Variants in SGCD observed in about 807,000 individuals in gnomAD.
SGCD encodes the protein sarcoglycan delta.
In SGCD, 18 loss-of-function variants were observed where a neutral mutation model predicts 36.6. That is an observed-to-expected ratio of 0.49 (90% CI 0.34 to 0.73). The LOEUF is 0.73. SGCD is among the 30% of genes least tolerant of loss of function. The pLI is 0.01. For missense variants in SGCD, 387 were observed against 346.7 expected (o/e 1.12, Z -0.92); for synonymous variants, 133 against 130.6 (o/e 1.02, Z -0.12).
In SGCD at chr5:155,947,081, T is replaced by C. The variant is rs111957890; in HGVS notation, c.-282+76657T>C. Reference sequence around the variant, plus strand: ...CTTCTGTCATTCACAGATAGAGAGATGGGGAGGGAGATATGTGGAAGCATG... The same window carrying C: ...CTTCTGTCATTCACAGATAGAGAGACGGGGAGGGAGATATGTGGAAGCATG... On this transcript the variant is annotated intron_variant, in intron 1 of 9. Coordinates refer to the SGCD transcript ENST00000517913. Among the ~76,000 whole-genome samples, 35 of 152,176 alleles carry C rather than the reference T, an allele frequency of 2.3e-4. 1 individual carries two copies. The highest frequency in any genetic ancestry group is 7.9e-4 in the African/African-American group (33 of 41,524).
chr5:155,809,321 C>A, the SGCD span, among the ~76,000 whole-genome samples: 1 of 152,206 alleles, frequency 6.6e-6, no homozygotes, highest in East Asian at 1.9e-4. Flanking sequence ...TCACTGCTAA[C>A]TAAAAGAGCG....
At chr5:155,877,227 G>T (rs993134958) in intron 1 of SGCD, among the ~76,000 whole-genome samples, 1 of 152,030 alleles carries the variant, frequency 6.6e-6, no homozygotes, top group African/African-American at 2.4e-5. Context: ...AAATCATACC[G>T]AAATGGCCAC....
At chr5:156,182,293 G>A (rs957938102) in intron 3 of SGCD, among the ~76,000 whole-genome samples, 1 of 141,186 alleles carries the variant, frequency 7.1e-6, no homozygotes, top group Admixed American at 6.9e-5. Flanking sequence ...CTTAGGAGCA[G>A]AACAGAAAAT....
intron 3 of SGCD, among the ~76,000 whole-genome samples, chr5:156,280,206 TG>T (rs1766417270): frequency 6.6e-6 from 1 of 152,304 alleles, no homozygotes; most frequent in South Asian, 2.1e-4. Flanking sequence ...CTGGCAATAG[TG>T]TCATGCCTCT....
Position 156,311,400 on chromosome 5 carries a change from C to G in SGCD, c.-43-18134C>G, listed in dbSNP as rs190677232. ...CAAGGAGACTATGGCTTTTTAATAT[C>G]CTTAATTTTTTCTATATTGCATTGG... On this transcript the variant is annotated intron_variant, in intron 3 of 9. Transcript: ENST00000517913. Among the ~76,000 whole-genome samples, 45 of 152,158 alleles carry G rather than the reference C, an allele frequency of 3.0e-4. No homozygotes were observed. In the East Asian group the frequency reaches 4.5e-3, roughly 15 times the overall value.
chr5:156,442,957 T>C (rs943039933), intron 3 of SGCD, among the ~76,000 whole-genome samples: 1 of 152,116 alleles, frequency 6.6e-6, no homozygotes, highest in East Asian at 1.9e-4. Context: ...ACCTACTTTA[T>C]AGAGGATGTA....
At chr5:155,838,791 AAC>A in the SGCD span, among the ~76,000 whole-genome samples, 3,166 of 140,096 alleles carry the variant, frequency 0.023, 98 homozygotes, top group African/African-American at 0.077. Context: ...AAAAAAAAAA[AAC>A]AATTCAATCT....
At chr5:156,720,436 A>G (rs1158333745) in intron 7 of SGCD, among the ~76,000 whole-genome samples, 1 of 152,208 alleles carries the variant, frequency 6.6e-6, no homozygotes, top group Non-Finnish European at 1.5e-5. Flanking sequence ...TGTTTGTGCA[A>G]AGGTCCTGAG....
At chr5:156,275,479 A>G (rs1371151916) in intron 3 of SGCD, among the ~76,000 whole-genome samples, 1 of 152,182 alleles carries the variant, frequency 6.6e-6, no homozygotes, top group African/African-American at 2.4e-5. Context: ...TAAATAAAAC[A>G]AGTACAGAGG....
intron 3 of SGCD, among the ~76,000 whole-genome samples, chr5:156,195,113 G>A (rs999062461): frequency 3.3e-5 from 5 of 152,138 alleles, no homozygotes; most frequent in Admixed American, 2.6e-4. Context: ...ATTTTACTCT[G>A]TTTCCATTGT....
chr5:156,249,273 G>T (rs970179277), intron 3 of SGCD, among the ~76,000 whole-genome samples: 11 of 152,160 alleles, frequency 7.2e-5, no homozygotes, highest in Non-Finnish European at 1.3e-4. Flanking sequence ...AAAATAGGAA[G>T]AGAATGAACG....
chr5:156,026,176 A>T (rs1759222335), intron 1 of SGCD, among the ~76,000 whole-genome samples: 1 of 152,252 alleles, frequency 6.6e-6, no homozygotes, highest in Admixed American at 6.5e-5. Context: ...GCAGCAAAAA[A>T]TACTTGTTGT....
the SGCD span, among the ~76,000 whole-genome samples, chr5:155,847,541 A>G: frequency 6.6e-6 from 1 of 152,154 alleles, no homozygotes; most frequent in Non-Finnish European, 1.5e-5. Flanking sequence ...CTACTTTGAT[A>G]ATAGAGTGTA....
At chr5:156,377,130 GA>G (rs1452179099) in intron 3 of SGCD, among the ~76,000 whole-genome samples, 2 of 152,104 alleles carry the variant, frequency 1.3e-5, no homozygotes, top group East Asian at 3.8e-4. Flanking sequence ...TCAGTGTTAT[GA>G]GGATAATGAA....
chr5:156,144,514 C>A (rs1762664966), intron 3 of SGCD, among the ~76,000 whole-genome samples: 1 of 152,206 alleles, frequency 6.6e-6, no homozygotes. Context: ...TTTCATGTGT[C>A]TTTTGGCTGC....
chr5:156,181,764 T>TG (rs1392226870), intron 3 of SGCD, among the ~76,000 whole-genome samples: 4 of 152,170 alleles, frequency 2.6e-5, no homozygotes, highest in African/African-American at 7.2e-5. Flanking sequence ...AGCAAGTCAA[T>TG]GGTTAGGAGG....
At chr5:156,214,650 A>C (rs1479864979) in intron 3 of SGCD, among the ~76,000 whole-genome samples, 3 of 152,084 alleles carry the variant, frequency 2.0e-5, no homozygotes. Flanking sequence ...AGCAATCTTG[A>C]ACAAAAAGAA....
intron 3 of SGCD, among the ~76,000 whole-genome samples, chr5:156,376,712 A>T (rs181519416): frequency 6.6e-6 from 1 of 152,270 alleles, no homozygotes; most frequent in East Asian, 1.9e-4. Context: ...TTTTAGCCTT[A>T]ATTATACTTT....
chr5:155,738,362 C>T, the SGCD span, among the ~76,000 whole-genome samples: 4 of 152,164 alleles, frequency 2.6e-5, no homozygotes, highest in Admixed American at 2.0e-4. Flanking sequence ...ACTATGTTTC[C>T]GGTGTCTTCT....
Sources: allele counts gnomAD v4.1 joint callset (sites outside exome capture counted in the v4.1 genomes callset), GRCh38; gene constraint gnomAD v4.1.1; transcripts MANE v1.5; gene names NCBI Gene and HGNC (gene_info 2026-07-23, HGNC 2026-07-21).